TACR1: variants seen among roughly 807,000 people sequenced by gnomAD.
The protein encoded by TACR1 is tachykinin receptor 1, also known as substance-P receptor.
In TACR1, 25 loss-of-function variants were observed where a neutral mutation model predicts 35.8. That is an observed-to-expected ratio of 0.70 (90% CI 0.51 to 0.98). The LOEUF (loss-of-function observed/expected upper bound fraction) is 0.98, where lower values mean the gene tolerates loss of function less well. Among genes scored for constraint, TACR1 ranks in the 50% least tolerant of loss-of-function variants. The pLI, the probability that TACR1 is intolerant of heterozygous loss-of-function variation, is 0.00. For synonymous variants in TACR1, 195 were observed against 206.7 expected, an observed-to-expected ratio of 0.94 and a Z score of 0.48; for missense variants, 478 against 522.9, an observed-to-expected ratio of 0.91 and a Z score of 0.84.
intron 2 of TACR1, among the ~76,000 whole-genome samples, chr2:75,060,731 T>C (rs2103796278): frequency 6.6e-6 from 1 of 152,202 alleles, no homozygotes; most frequent in African/African-American, 2.4e-5. Context: ...GGAGCATGGA[T>C]GGAGGTGGAA....
chr2:75,176,012 CAAAAAAAA>C (rs34884122), intron 1 of TACR1, among the ~76,000 whole-genome samples: 8 of 109,598 alleles, frequency 7.3e-5, no homozygotes, highest in Admixed American at 2.1e-4. Flanking sequence ...TTGAGCTGTC[CAAAAAAAA>C]AAAAAAAAAA....
intron 2 of TACR1, among the ~76,000 whole-genome samples, chr2:75,094,897 C>A (rs1673389767): frequency 7.3e-6 from 1 of 137,342 alleles, no homozygotes; most frequent in African/African-American, 3.2e-5. Flanking sequence ...AAGAGAACAG[C>A]TAGAATATGA....
chr2:75,198,102 A>G (rs1256823662), intron 1 of TACR1, among the ~76,000 whole-genome samples: 1 of 152,220 alleles, frequency 6.6e-6, no homozygotes, highest in Non-Finnish European at 1.5e-5. Flanking sequence ...TAAAACAGGA[A>G]GGCAACAAGA....
chr2:75,057,501 A>C (rs1480372812), intron 2 of TACR1, among the ~76,000 whole-genome samples: 1 of 152,240 alleles, frequency 6.6e-6, no homozygotes, highest in Non-Finnish European at 1.5e-5. Flanking sequence ...CAACCTTAAA[A>C]AAGAAGGATG....
Position 75,086,666 on chromosome 2 carries a change from G to A in TACR1, c.585-32911C>T, listed in dbSNP as rs150505278. Among the ~76,000 whole-genome samples the A allele has an allele frequency of 6.6e-4, 100 of 152,280 alleles. 1 individual carries two copies. The East Asian group carries it at 0.017, about 26-fold the overall frequency. ...CTGGTCAAGGTTTTGGCAGTGTAGG[G>A]GAAGGATGGATATGAGAGACACTTC... On this transcript the variant is annotated intron_variant, in intron 2 of 4. Coordinates refer to ENST00000305249, the MANE Select transcript of TACR1 (RefSeq NM_001058.4).
chr2:75,182,766 A>G (rs1675589141), intron 1 of TACR1, among the ~76,000 whole-genome samples: 1 of 152,192 alleles, frequency 6.6e-6, no homozygotes, highest in South Asian at 2.1e-4. Flanking sequence ...AGGCTATACC[A>G]TCTAGATTTG....
intron 1 of TACR1, among the ~76,000 whole-genome samples, chr2:75,184,977 A>C (rs149349109): frequency 2.2e-3 from 336 of 152,074 alleles, no homozygotes; most frequent in African/African-American, 7.7e-3. Context: ...AAAAATTTCA[A>C]CAGGACTTAT....
At chr2:75,134,012 C>A (rs564746500) in intron 1 of TACR1, among the ~76,000 whole-genome samples, 2 of 152,144 alleles carry the variant, frequency 1.3e-5, no homozygotes, top group Non-Finnish European at 2.9e-5. Context: ...ACACTCCCAC[C>A]AGTGCTATGA....
intron 2 of TACR1, among the ~76,000 whole-genome samples, chr2:75,063,141 A>G (rs1259537993): frequency 6.6e-6 from 1 of 152,230 alleles, no homozygotes; most frequent in Non-Finnish European, 1.5e-5. Flanking sequence ...ACCTGCTCCC[A>G]TGACTCAATT....
rs189526504 is a variant in TACR1 at position 75,134,536 on chromosome 2, G to C, written c.390-13768C>G. On this transcript the variant is annotated intron_variant, in intron 1 of 4. Coordinates refer to ENST00000305249, the MANE Select transcript of TACR1 (RefSeq NM_001058.4). Reference sequence around the variant, plus strand: ...AGGACATTTACGCCTGGGCAGGGAGGTTGGGGGAGTTTCTCAGTGGAGGTG... The same window carrying C: ...AGGACATTTACGCCTGGGCAGGGAGCTTGGGGGAGTTTCTCAGTGGAGGTG... Among the ~76,000 whole-genome samples the C allele has an allele frequency of 2.2e-4, 34 of 152,290 alleles. No individual in the cohort carries two copies. In the East Asian group the frequency reaches 5.8e-3, roughly 26 times the overall value.
chr2:75,177,666 C>A (rs147088455), intron 1 of TACR1, among the ~76,000 whole-genome samples: 1 of 152,266 alleles, frequency 6.6e-6, no homozygotes, highest in African/African-American at 2.4e-5. Flanking sequence ...TTCCACCCAC[C>A]ACCCTACAGT....
At chr2:75,058,525 A>G (rs565888956) in intron 2 of TACR1, among the ~76,000 whole-genome samples, 3 of 152,370 alleles carry the variant, frequency 2.0e-5, no homozygotes, top group African/African-American at 7.2e-5. Flanking sequence ...AGCAACAGCA[A>G]GAGACAGCAA....
chr2:75,178,536 G>GAA (rs56133405), intron 1 of TACR1, among the ~76,000 whole-genome samples: 31 of 147,332 alleles, frequency 2.1e-4, no homozygotes, highest in African/African-American at 7.5e-4. Context: ...TTTCCCCATT[G>GAA]AAAAAAAAAC....
intron 1 of TACR1, among the ~76,000 whole-genome samples, chr2:75,177,668 C>T (rs1052440039): frequency 5.9e-5 from 9 of 152,174 alleles, no homozygotes; most frequent in Non-Finnish European, 2.9e-5. Flanking sequence ...CCACCCACCA[C>T]CCTACAGTCA....
intron 2 of TACR1, among the ~76,000 whole-genome samples, chr2:75,092,680 G>C (rs1322888036): frequency 2.0e-5 from 3 of 152,056 alleles, no homozygotes; most frequent in Non-Finnish European, 4.4e-5. Context: ...ACTCTACACT[G>C]GTTGAGTGTA....
intron 2 of TACR1, among the ~76,000 whole-genome samples, chr2:75,108,712 T>C (rs941908901): frequency 2.6e-5 from 4 of 151,288 alleles, no homozygotes; most frequent in African/African-American, 9.8e-5. Flanking sequence ...ATAGATGATA[T>C]GATTGTATTC....
Position 75,150,368 on chromosome 2 carries a change from T to A in TACR1, c.390-29600A>T, listed in dbSNP as rs534726816. Among the ~76,000 whole-genome samples the A allele has an allele frequency of 3.3e-5, 5 of 152,328 alleles. No individual in the cohort carries two copies. The East Asian group carries it at 9.7e-4, about 29-fold the overall frequency. ...ATCTCAACTTGAATTGTATCTCCCATAATTTCCATATGTTGGGAGGGACCC... is the reference window on the plus strand; with the variant it reads ...ATCTCAACTTGAATTGTATCTCCCAAAATTTCCATATGTTGGGAGGGACCC... On this transcript the variant is annotated intron_variant, in intron 1 of 4. Coordinates refer to ENST00000305249, the MANE Select transcript of TACR1 (RefSeq NM_001058.4).
Position 75,051,323 on chromosome 2 carries a change from T to G in TACR1, c.860A>C (p.Tyr287Ser), listed in dbSNP as rs1398553369. 21 of 1,614,072 alleles carry G rather than the reference T, an allele frequency of 1.3e-5. No homozygotes were observed. Among genetic ancestry groups the G allele is most frequent in the Non-Finnish European group, 1.8e-5 (21 of 1,180,040 alleles). ...CATGGCCAGCCACATGATGGCCAGG[T>G]AGACCTGCTGGATAAACTTCTTCAG... ...LYLKKFIQQV[Y>S]LAIMWLAMSS... The change falls in exon 4 of 5, where the codon TAC becomes TCC. Residue 287 changes from tyrosine to serine, a missense_variant. By Grantham distance (144) the Tyr-to-Ser change is moderately radical. Coordinates refer to ENST00000305249, the MANE Select transcript of TACR1 (RefSeq NM_001058.4).
chr2:75,085,707 C>A (rs1390651832), intron 2 of TACR1, among the ~76,000 whole-genome samples: 2 of 152,114 alleles, frequency 1.3e-5, no homozygotes, highest in Non-Finnish European at 2.9e-5. Context: ...ATAACGGTGA[C>A]CTGGCTGGAG....
Sources: allele counts gnomAD v4.1 joint callset (sites outside exome capture counted in the v4.1 genomes callset), GRCh38; gene constraint gnomAD v4.1.1; transcripts MANE v1.5; gene names NCBI Gene and HGNC (gene_info 2026-07-23, HGNC 2026-07-21).